Variants in DCC observed in about 807,000 individuals in gnomAD.
DCC encodes DCC netrin 1 receptor.
Under a neutral mutation model 172.5 loss-of-function variants are expected in DCC, and 58 were observed. The observed-to-expected ratio is 0.34, with a 90% CI of 0.27 to 0.42. The LOEUF is 0.42. Among genes scored for constraint, DCC ranks in the 10% least tolerant of loss-of-function variants. DCC has a pLI of 1.00. For missense variants in DCC, 1,740 were observed against 1,791.0 expected, an observed-to-expected ratio of 0.97 and a Z score of 0.51; for synonymous variants, 709 against 644.5, an observed-to-expected ratio of 1.10 and a Z score of -1.52.
Position 53,309,943 on chromosome 18 carries a change from T to TAC in DCC, c.2053+4226_2053+4227dup, listed in dbSNP as rs1264505916. Among the ~76,000 whole-genome samples, 97 of 132,620 alleles carry TAC rather than the reference T, an allele frequency of 7.3e-4. 1 individual carries two copies. The highest frequency in any genetic ancestry group is 2.3e-3 in the African/African-American group (79 of 34,814). 87.0% of individuals were successfully genotyped at this position (132,620 alleles called of 152,430 possible). A position where few individuals can be genotyped will look rare whatever the true frequency, so the allele number is the denominator to read the frequency against. On this transcript the variant is annotated intron_variant, in intron 13 of 28. Transcript: ENST00000442544. ...GCGTGTATATATATATATATATATA[T>TAC]ACATGTATATATACGTGTGTGTATA...
intron 12 of DCC, among the ~76,000 whole-genome samples, chr18:53,250,009 T>C (rs1396839501): frequency 6.6e-6 from 1 of 151,946 alleles, no homozygotes; most frequent in African/African-American, 2.4e-5. Flanking sequence ...AATTTGAAAA[T>C]AAGGCTCTTC....
intron 15 of DCC, among the ~76,000 whole-genome samples, chr18:53,356,682 C>A (rs1371284412): frequency 1.3e-5 from 2 of 152,038 alleles, no homozygotes; most frequent in Admixed American, 1.3e-4. Context: ...GGGAAGTGTC[C>A]TCATACACAT....
Position 52,389,117 on chromosome 18 carries a change from G to A in DCC, c.91+48239G>A, listed in dbSNP as rs1985932611. 2.0e-5 allele frequency among the ~76,000 whole-genome samples: 3 copies of A among 152,064 alleles called. No homozygotes were observed. The South Asian group carries it at 6.2e-4, about 32-fold the overall frequency. ...TACGCACAGGGTGAGCCCACCTGAA[G>A]AGTCACTCTGTGCTTCCATTTCATC... On this transcript the variant is annotated intron_variant, in intron 1 of 28. Transcript: ENST00000442544.
chr18:53,087,703 C>T (rs2042935879), intron 7 of DCC, among the ~76,000 whole-genome samples: 1 of 151,776 alleles, frequency 6.6e-6, no homozygotes, highest in African/African-American at 2.4e-5. Flanking sequence ...ATGGTAATGC[C>T]TAGGTTTTCT....
intron 5 of DCC, among the ~76,000 whole-genome samples, chr18:53,024,053 G>A (rs1429734397): frequency 6.6e-6 from 1 of 152,154 alleles, no homozygotes; most frequent in Admixed American, 6.6e-5. Context: ...TCTATAACTT[G>A]AGTGTGGAGA....
At chr18:53,345,987 TTTATTA>T (rs1300747206) in intron 15 of DCC, among the ~76,000 whole-genome samples, 1 of 151,936 alleles carries the variant, frequency 6.6e-6, no homozygotes, top group African/African-American at 2.4e-5. Flanking sequence ...TGTTTTAAGT[TTTATTA>T]TTATTATTAT....
chr18:52,535,843 C>A (rs1481528834), intron 1 of DCC, among the ~76,000 whole-genome samples: 1 of 152,002 alleles, frequency 6.6e-6, no homozygotes, highest in Non-Finnish European at 1.5e-5. Flanking sequence ...CCTTAAGGAA[C>A]AAAATATCTG....
intron 5 of DCC, among the ~76,000 whole-genome samples, chr18:53,055,626 C>T (rs368363579): frequency 6.6e-6 from 1 of 152,046 alleles, no homozygotes; most frequent in Non-Finnish European, 1.5e-5. Flanking sequence ...AATGTTTAGA[C>T]AGTATAGTCA....
intron 5 of DCC, among the ~76,000 whole-genome samples, chr18:53,005,341 G>C (rs1427260069): frequency 6.6e-6 from 1 of 152,020 alleles, no homozygotes; most frequent in Non-Finnish European, 1.5e-5. Flanking sequence ...TTATATTATA[G>C]GTAAGTAAGC....
rs1294027798 is a variant in DCC at position 53,532,338 on chromosome 18, T to C, written c.*1685T>C. On this transcript the variant is annotated 3_prime_UTR_variant, in exon 29 of 29. Transcript: ENST00000442544. The stretch of plus-strand genomic sequence containing the variant: ...CAGTTTATTTTTTTACAGTTTTATG[T>C]CGGGAAGGAAATCTGATGTCAAAGA... 6.6e-6 allele frequency: 1 copy of C among 152,222 alleles called. No individual in the cohort carries two copies. Among genetic ancestry groups the C allele is most frequent in the African/African-American group, 2.4e-5 (1 of 41,476 alleles). The allele number at this position is 152,222 out of a possible 1,614,324, so 9.4% of individuals were successfully genotyped here. A position where few individuals can be genotyped will look rare whatever the true frequency, so the allele number is the denominator to read the frequency against.
intron 11 of DCC, among the ~76,000 whole-genome samples, chr18:53,214,555 C>A (rs561105110): frequency 6.6e-6 from 1 of 152,020 alleles, no homozygotes; most frequent in African/African-American, 2.4e-5. Flanking sequence ...GGAAAGATGT[C>A]AAAAATGGCC....
At chr18:53,064,915 A>C (rs2042545365) in intron 6 of DCC, among the ~76,000 whole-genome samples, 2 of 152,186 alleles carry the variant, frequency 1.3e-5, no homozygotes, top group South Asian at 4.1e-4. Flanking sequence ...GTATTGTAAA[A>C]GGCAACATTT....
intron 15 of DCC, among the ~76,000 whole-genome samples, chr18:53,370,634 ATTGTG>A (rs1475508684): frequency 6.6e-6 from 1 of 151,718 alleles, no homozygotes; most frequent in Non-Finnish European, 1.5e-5. Context: ...TTAAGAGTGT[ATTGTG>A]TTATTTAATT....
At chr18:53,354,892 G>A (rs1216461275) in intron 15 of DCC, among the ~76,000 whole-genome samples, 2 of 151,324 alleles carry the variant, frequency 1.3e-5, no homozygotes, top group African/African-American at 4.9e-5. Context: ...TTTCTTCTAG[G>A]TTTTTATGGT....
chr18:52,514,131 C>G (rs759907010), intron 1 of DCC, among the ~76,000 whole-genome samples: 4 of 151,748 alleles, frequency 2.6e-5, no homozygotes, highest in African/African-American at 4.8e-5. Flanking sequence ...TGATAAAATC[C>G]TCTCTCTCTG....
At chr18:52,343,899 G>A (rs900361432) in intron 1 of DCC, among the ~76,000 whole-genome samples, 20 of 151,990 alleles carry the variant, frequency 1.3e-4, no homozygotes, top group Admixed American at 1.2e-3. Context: ...AGGGCTCGGG[G>A]TAGGCTGGCA....
At chr18:53,497,251 TC>T (rs1365940284) in intron 26 of DCC, among the ~76,000 whole-genome samples, 1 of 152,322 alleles carries the variant, frequency 6.6e-6, no homozygotes, top group East Asian at 1.9e-4. Context: ...CCCCAGAATT[TC>T]TTCTGTGAAA....
rs555722542 is a variant in DCC at position 52,987,454 on chromosome 18, A to G, written c.985+62084A>G. On this transcript the variant is annotated intron_variant, in intron 5 of 28. Transcript: ENST00000442544. ...CGTAAGACCATCCCCTTGTGACTTCATCATTTGTTGACCACACAACTGCTG... is the reference window on the plus strand; with the variant it reads ...CGTAAGACCATCCCCTTGTGACTTCGTCATTTGTTGACCACACAACTGCTG... Among the ~76,000 whole-genome samples, 18 of 152,292 alleles carry G rather than the reference A, an allele frequency of 1.2e-4. No individual in the cohort carries two copies. In the South Asian group the frequency reaches 3.3e-3, roughly 28 times the overall value.
chr18:53,268,665 A>C (rs1349031261), intron 12 of DCC, among the ~76,000 whole-genome samples: 1 of 152,152 alleles, frequency 6.6e-6, no homozygotes, highest in Non-Finnish European at 1.5e-5. Context: ...GAAATCTCAC[A>C]AGTTTAAAAT....
Sources: allele counts gnomAD v4.1 joint callset (sites outside exome capture counted in the v4.1 genomes callset), GRCh38; gene constraint gnomAD v4.1.1; transcripts MANE v1.5; gene names NCBI Gene and HGNC (gene_info 2026-07-23, HGNC 2026-07-21).